Variants in PLCH1 observed in about 807,000 individuals in gnomAD.
The protein encoded by PLCH1 is 1-phosphatidylinositol 4,5-bisphosphate phosphodiesterase eta-1.
PLCH1 carries 60 observed loss-of-function variants against 126.7 expected under a neutral mutation model. That is an observed-to-expected ratio of 0.47 (90% CI 0.38 to 0.59). The LOEUF (loss-of-function observed/expected upper bound fraction) is 0.59. PLCH1 is among the 20% of genes least tolerant of loss of function. The pLI is 0.00. For missense variants in PLCH1, 1,723 were observed against 2,040.0 expected, an observed-to-expected ratio of 0.84 and a Z score of 2.99; for synonymous variants, 719 against 734.9, an observed-to-expected ratio of 0.98 and a Z score of 0.35.
chr3:155,506,126 T>C (rs1718643447), intron 12 of PLCH1, among the ~76,000 whole-genome samples: 1 of 152,154 alleles, frequency 6.6e-6, no homozygotes, highest in South Asian at 2.1e-4. Flanking sequence ...TAATGCTAAT[T>C]GCATTACATA....
At chr3:155,457,388 A>G (rs1008499016) in intron 21 of PLCH1, 1 of 152,222 alleles carries the variant, frequency 6.6e-6, no homozygotes, top group Admixed American at 6.5e-5. Context: ...GACTTCATTT[A>G]CAAAACACAA....
intron 2 of PLCH1, among the ~76,000 whole-genome samples, chr3:155,701,518 G>A (rs1746273159): frequency 3.9e-5 from 6 of 152,114 alleles, no homozygotes; most frequent in Admixed American, 3.9e-4. Flanking sequence ...ACGGGAAATG[G>A]TTCTTTTCCA....
At chr3:155,623,277 G>C (rs1031798215) in intron 2 of PLCH1, among the ~76,000 whole-genome samples, 2 of 152,168 alleles carry the variant, frequency 1.3e-5, no homozygotes, top group African/African-American at 4.8e-5. Flanking sequence ...GAAATTTACA[G>C]CATGAAATGC....
intron 2 of PLCH1, among the ~76,000 whole-genome samples, chr3:155,632,775 T>C (rs979824541): frequency 5.3e-5 from 8 of 152,198 alleles, no homozygotes; most frequent in South Asian, 2.1e-4. Flanking sequence ...TGATCTGTAA[T>C]ATTATTATTA....
intron 1 of PLCH1, among the ~76,000 whole-genome samples, chr3:155,710,725 C>CCTGAGT (rs1258752490): frequency 1.3e-5 from 2 of 151,472 alleles, no homozygotes; most frequent in African/African-American, 4.9e-5. Flanking sequence ...CGCAGCTACT[C>CCTGAGT]AGGAGGCTGA....
intron 2 of PLCH1, among the ~76,000 whole-genome samples, chr3:155,637,533 C>T (rs191293591): frequency 1.3e-5 from 2 of 152,162 alleles, no homozygotes; most frequent in South Asian, 2.1e-4. Flanking sequence ...ATTTTTTCCT[C>T]GAAGTGGGAA....
At chr3:155,565,978 G>A (rs563764053) in intron 7 of PLCH1, among the ~76,000 whole-genome samples, 97 of 151,224 alleles carry the variant, frequency 6.4e-4, no homozygotes, top group Non-Finnish European at 1.2e-3. Flanking sequence ...GATTACAGGC[G>A]TGAGCCACTG....
intron 10 of PLCH1, among the ~76,000 whole-genome samples, chr3:155,526,386 TCTCTTCTTTCTCTCTCTC>T (rs1197488834): frequency 1.4e-5 from 2 of 143,284 alleles, no homozygotes; most frequent in African/African-American, 5.6e-5. Flanking sequence ...TCTCTCTCTC[TCTCTTCTTTCTCTCTCTC>T]TCTTTCTCTC....
chr3:155,596,304 G>A lies in PLCH1; in HGVS notation c.154C>T (p.Arg52Cys), dbSNP rs769082766. The change falls in exon 3 of 23, where the codon CGC (arginine) becomes TGC (cysteine). Residue 52 changes from arginine to cysteine, a missense_variant. By Grantham distance (180) the Arg-to-Cys change is radical (BLOSUM62 -3). Around this residue, in one of 2 missense-constraint regions of PLCH1, gnomAD observed 776 missense variants for 1,062.9 expected, o/e 0.73. Coordinates refer to ENST00000460012, the MANE Select transcript of PLCH1 (RefSeq NM_014996.4). Reference sequence around the variant, plus strand: ...CGGTGCTCATCCAGGTAAAAGAGGCGGACAAGCCCTTTGGTTCCACGTTTC... The same window carrying A: ...CGGTGCTCATCCAGGTAAAAGAGGCAGACAAGCCCTTTGGTTCCACGTTTC... ...KLKRGTKGLV[R>C]LFYLDEHRTR... 10 of 1,613,102 alleles carry A rather than the reference G, an allele frequency of 6.2e-6. No homozygotes were observed. Among genetic ancestry groups the A allele is most frequent in the Non-Finnish European group, 8.5e-6 (10 of 1,179,136 alleles).
At chr3:155,531,616 C>A (rs1288001053) in intron 10 of PLCH1, among the ~76,000 whole-genome samples, 1 of 152,196 alleles carries the variant, frequency 6.6e-6, no homozygotes, top group Non-Finnish European at 1.5e-5. Context: ...CAGAGTGATA[C>A]TCCATCTCCA....
intron 2 of PLCH1, among the ~76,000 whole-genome samples, chr3:155,653,166 TATAG>T (rs755866625): frequency 7.9e-5 from 11 of 138,640 alleles, no homozygotes; most frequent in South Asian, 4.9e-4. Flanking sequence ...TAGATATAGA[TATAG>T]ATATAGATAT....
At chr3:155,536,427 A>G (rs1723361706) in intron 10 of PLCH1, among the ~76,000 whole-genome samples, 1 of 152,318 alleles carries the variant, frequency 6.6e-6, no homozygotes, top group African/African-American at 2.4e-5. Context: ...TTCAAAAGTA[A>G]TGCAGACTAT....
intron 1 of PLCH1, among the ~76,000 whole-genome samples, chr3:155,704,500 C>T (rs1746509575): frequency 6.6e-6 from 1 of 152,174 alleles, no homozygotes; most frequent in Non-Finnish European, 1.5e-5. Flanking sequence ...CCTTTCAGGG[C>T]TCAATGTTAC....
chr3:155,696,150 G>A (rs139329532), intron 2 of PLCH1, among the ~76,000 whole-genome samples: 1 of 152,236 alleles, frequency 6.6e-6, no homozygotes, highest in African/African-American at 2.4e-5. Context: ...CTAGGCTAGA[G>A]GCTTTAAATT....
chr3:155,459,770 T>A (rs1428004132), intron 21 of PLCH1, among the ~76,000 whole-genome samples: 13 of 152,158 alleles, frequency 8.5e-5, no homozygotes. Flanking sequence ...GTGGATGTAA[T>A]GACCATAATG....
chr3:155,542,435 G>C (rs1476407195), intron 10 of PLCH1, among the ~76,000 whole-genome samples: 1 of 152,240 alleles, frequency 6.6e-6, no homozygotes, highest in African/African-American at 2.4e-5. Flanking sequence ...GCCTGCCTCT[G>C]TAGGCTCCAC....
At chr3:155,697,307 G>A (rs1477987651) in intron 2 of PLCH1, among the ~76,000 whole-genome samples, 1 of 152,152 alleles carries the variant, frequency 6.6e-6, no homozygotes. Context: ...GACCTGCCTA[G>A]AGTGACTCTA....
intron 2 of PLCH1, among the ~76,000 whole-genome samples, chr3:155,677,941 C>T (rs530938794): frequency 3.3e-5 from 5 of 152,136 alleles, no homozygotes; most frequent in Non-Finnish European, 5.9e-5. Flanking sequence ...ATTGGTAACA[C>T]CAAGTAACGA....
At chr3:155,469,533 A>G (rs1489972914) in intron 21 of PLCH1, among the ~76,000 whole-genome samples, 1 of 152,226 alleles carries the variant, frequency 6.6e-6, no homozygotes, top group African/African-American at 2.4e-5. Context: ...TTGCTTAGGT[A>G]AACAAAGCAG....
Sources: allele counts gnomAD v4.1 joint callset (sites outside exome capture counted in the v4.1 genomes callset), GRCh38; gene constraint gnomAD v4.1.1; regional missense constraint gnomAD v4.1.1; transcripts MANE v1.5; gene names NCBI Gene and HGNC (gene_info 2026-07-23, HGNC 2026-07-21).